KCTD8: variants seen among roughly 807,000 people sequenced by gnomAD.
KCTD8 encodes the protein BTB/POZ domain-containing protein KCTD8.
KCTD8 carries 27 observed loss-of-function variants against 31.5 expected under a neutral mutation model. The ratio of observed to expected loss-of-function variants is 0.86; its 90% CI spans 0.63 to 1.18. The LOEUF is 1.18. KCTD8 is among the 50% of genes most tolerant of loss of function. KCTD8 has a pLI of 0.00. For synonymous variants in KCTD8, 290 were observed against 280.0 expected (o/e 1.04, Z -0.36); for missense variants, 658 against 647.7 (o/e 1.02, Z -0.17).
chr4:44,308,117 T>C (rs1488956359), intron 1 of KCTD8, among the ~76,000 whole-genome samples: 1 of 152,048 alleles, frequency 6.6e-6, no homozygotes, highest in Non-Finnish European at 1.5e-5. Flanking sequence ...TTCCTTTATA[T>C]AGAATCCAGT....
chr4:44,259,618 A>G (rs935737850), intron 1 of KCTD8, among the ~76,000 whole-genome samples: 1 of 152,010 alleles, frequency 6.6e-6, no homozygotes, highest in African/African-American at 2.4e-5. Context: ...TAGTCTGTAT[A>G]GTAAAGTAGC....
chr4:44,309,743 A>T (rs922990012), intron 1 of KCTD8, among the ~76,000 whole-genome samples: 1 of 152,126 alleles, frequency 6.6e-6, no homozygotes, highest in Non-Finnish European at 1.5e-5. Context: ...TGGGTATAAA[A>T]TATTTTTGAG....
intron 1 of KCTD8, among the ~76,000 whole-genome samples, chr4:44,426,264 G>A (rs1174358057): frequency 6.6e-6 from 1 of 151,376 alleles, no homozygotes; most frequent in South Asian, 2.1e-4. Flanking sequence ...TGAAACAGAG[G>A]AAGAAAATAA....
chr4:44,216,117 T>C (rs1714644966), intron 1 of KCTD8, among the ~76,000 whole-genome samples: 1 of 152,194 alleles, frequency 6.6e-6, no homozygotes. Context: ...GTGACAATTC[T>C]AAACGAGAGT....
chr4:44,242,532 A>C (rs138106345), intron 1 of KCTD8, among the ~76,000 whole-genome samples: 5,416 of 152,134 alleles, frequency 0.036, 149 homozygotes, highest in Non-Finnish European at 0.047. Context: ...GAGCCGAGAT[A>C]GCACCACTGC....
chr4:44,347,254 T>C (rs1471393584), intron 1 of KCTD8, among the ~76,000 whole-genome samples: 1 of 152,190 alleles, frequency 6.6e-6, no homozygotes, highest in Non-Finnish European at 1.5e-5. Flanking sequence ...AAATGAAAGG[T>C]CATCTGAGTT....
chr4:44,265,281 AG>A (rs1014781619), intron 1 of KCTD8, among the ~76,000 whole-genome samples: 10 of 152,142 alleles, frequency 6.6e-5, no homozygotes, highest in African/African-American at 2.4e-4. Flanking sequence ...CCAGGCAAAC[AG>A]GGTCTGGAGT....
intron 1 of KCTD8, among the ~76,000 whole-genome samples, chr4:44,335,220 G>A (rs941147580): frequency 3.3e-5 from 5 of 152,026 alleles, no homozygotes; most frequent in African/African-American, 1.2e-4. Flanking sequence ...AATTTTAAGT[G>A]AAATACTTAA....
chr4:44,404,818 C>A (rs972999999), intron 1 of KCTD8, among the ~76,000 whole-genome samples: 4 of 152,122 alleles, frequency 2.6e-5, no homozygotes, highest in African/African-American at 4.8e-5. Context: ...AGTAATGAAG[C>A]CTGTCAAGTA....
intron 1 of KCTD8, among the ~76,000 whole-genome samples, chr4:44,423,943 C>T (rs904303379): frequency 6.6e-5 from 10 of 152,036 alleles, no homozygotes; most frequent in Non-Finnish European, 1.2e-4. Context: ...TACACATTTT[C>T]AGGTGCTAAT....
At chr4:44,194,307 T>A (rs1225840930) in intron 1 of KCTD8, among the ~76,000 whole-genome samples, 1 of 152,138 alleles carries the variant, frequency 6.6e-6, no homozygotes, top group Non-Finnish European at 1.5e-5. Flanking sequence ...ATAACCCCAT[T>A]AACATCAATC....
chr4:44,427,152 A>C (rs376480369), intron 1 of KCTD8, among the ~76,000 whole-genome samples: 1 of 151,456 alleles, frequency 6.6e-6, no homozygotes, highest in Non-Finnish European at 1.5e-5. Context: ...GTAGAAGAGA[A>C]TATCCTAAAC....
intron 1 of KCTD8, among the ~76,000 whole-genome samples, chr4:44,378,238 A>AATATATAT (rs34144469): frequency 0.077 from 11,115 of 143,588 alleles, 464 homozygotes; most frequent in Middle Eastern, 0.099. Context: ...TATATGTATA[A>AATATATAT]ATATATATAT....
chr4:44,414,749 G>C (rs1432741727), intron 1 of KCTD8, among the ~76,000 whole-genome samples: 1 of 152,194 alleles, frequency 6.6e-6, no homozygotes, highest in Non-Finnish European at 1.5e-5. Context: ...ATATTGGAAT[G>C]CACTCTCCAG....
intron 1 of KCTD8, among the ~76,000 whole-genome samples, chr4:44,202,956 C>A (rs1258746565): frequency 6.6e-6 from 1 of 151,968 alleles, no homozygotes; most frequent in East Asian, 1.9e-4. Context: ...GTTGAGGGAC[C>A]AAAGACAAAA....
chr4:44,311,265 T>TGC (rs1717943043), intron 1 of KCTD8, among the ~76,000 whole-genome samples: 1 of 152,082 alleles, frequency 6.6e-6, no homozygotes, highest in Non-Finnish European at 1.5e-5. Context: ...TGAGCACGTG[T>TGC]GCTCTCTCTC....
chr4:44,377,288 T>C (rs1466354603), intron 1 of KCTD8, among the ~76,000 whole-genome samples: 1 of 152,126 alleles, frequency 6.6e-6, no homozygotes, highest in Non-Finnish European at 1.5e-5. Flanking sequence ...CCCTCACACA[T>C]GTTTGGACAC....
intron 1 of KCTD8, among the ~76,000 whole-genome samples, chr4:44,355,316 C>G (rs566448076): frequency 1.3e-5 from 2 of 152,054 alleles, no homozygotes; most frequent in Non-Finnish European, 2.9e-5. Flanking sequence ...GATTACTAAA[C>G]TATGCAGTGA....
chr4:44,271,703 C>A (rs992053687), intron 1 of KCTD8, among the ~76,000 whole-genome samples: 1 of 152,172 alleles, frequency 6.6e-6, no homozygotes, highest in Non-Finnish European at 1.5e-5. Context: ...GGACATGTTC[C>A]TGTTGCATAT....
Sources: gnomAD v4.1 joint callset for allele counts (sites outside exome capture counted in the v4.1 genomes callset) on GRCh38, gnomAD v4.1.1 for gene constraint, MANE v1.5 for transcripts, NCBI Gene and HGNC (gene_info 2026-07-23, HGNC 2026-07-21) for gene names.